The following TMEFF2 variants were observed in gnomAD, a reference collection of about 807,000 sequenced individuals.
TMEFF2 encodes the protein transmembrane protein with EGF like and two follistatin like domains 2.
TMEFF2 carries 28 observed loss-of-function variants against 53.8 expected under a neutral mutation model. The observed-to-expected ratio is 0.52, with a 90% CI of 0.39 to 0.71. The LOEUF (loss-of-function observed/expected upper bound fraction) is 0.71. Among genes scored for constraint, TMEFF2 ranks in the 30% least tolerant of loss-of-function variants. The pLI is 0.00. For synonymous variants in TMEFF2, 162 were observed against 166.3 expected, an observed-to-expected ratio of 0.97 and a Z score of 0.20; for missense variants, 353 against 455.2, an observed-to-expected ratio of 0.78 and a Z score of 2.04.
chr2:191,958,419 A>G lies in TMEFF2; in HGVS notation c.746-2041T>C, dbSNP rs550447730. Among the ~76,000 whole-genome samples the G allele has an allele frequency of 1.8e-4, 27 of 152,338 alleles. 1 individual carries two copies. The South Asian group carries it at 5.4e-3, about 30-fold the overall frequency. On this transcript the variant is annotated intron_variant, in intron 7 of 9. Transcript: ENST00000272771. ...TAGTATTTTCCAAACACATCTTATT[A>G]GGACTATTTTTCTTTCTGTCAGTTA...
At chr2:192,159,609 A>C (rs1270545403) in intron 4 of TMEFF2, among the ~76,000 whole-genome samples, 3 of 152,180 alleles carry the variant, frequency 2.0e-5, no homozygotes, top group African/African-American at 7.2e-5. Context: ...AATACAAAAA[A>C]CTGTCATAGT....
At position 192,019,304 on chromosome 2, in the gene TMEFF2, T is replaced by C. The variant is rs553300684; in HGVS notation, c.537-20096A>G. On this transcript the variant is annotated intron_variant, in intron 5 of 9. Coordinates refer to ENST00000272771, the MANE Select transcript of TMEFF2 (RefSeq NM_016192.4). ...CAATACATCTTCATTAGAATCATTA[T>C]TGAGAAGTATTATAAATATTTTTAG... 1.7e-3 allele frequency among the ~76,000 whole-genome samples: 258 copies of C among 152,122 alleles called. 2 individuals are homozygous for C. The highest frequency in any genetic ancestry group is 3.1e-3 in the Non-Finnish European group (211 of 67,916).
chr2:191,977,102 G>T (rs888115675), intron 7 of TMEFF2, among the ~76,000 whole-genome samples: 1 of 152,240 alleles, frequency 6.6e-6, no homozygotes, highest in Non-Finnish European at 1.5e-5. Flanking sequence ...TTCATTCTCA[G>T]AGGAAGGCTA....
intron 5 of TMEFF2, among the ~76,000 whole-genome samples, chr2:192,040,327 A>G (rs1017654115): frequency 1.2e-4 from 18 of 151,802 alleles, no homozygotes; most frequent in Non-Finnish European, 1.8e-4. Context: ...TCTCCTCAAC[A>G]TTGTCTTTTT....
At chr2:192,056,391 GGAAGAGGAA>G (rs955630069) in intron 5 of TMEFF2, among the ~76,000 whole-genome samples, 3 of 151,840 alleles carry the variant, frequency 2.0e-5, no homozygotes, top group Non-Finnish European at 2.9e-5. Context: ...AAGAGGAAGT[GGAAGAGGAA>G]GAAGAGGAAG....
chr2:192,092,147 T>C (rs568298361), intron 4 of TMEFF2, among the ~76,000 whole-genome samples: 1 of 152,272 alleles, frequency 6.6e-6, no homozygotes, highest in East Asian at 1.9e-4. Context: ...ACAATTCCTA[T>C]TGTATTCAGT....
chr2:192,099,033 A>G (rs1051651191), intron 4 of TMEFF2, among the ~76,000 whole-genome samples: 4 of 152,250 alleles, frequency 2.6e-5, no homozygotes, highest in East Asian at 3.9e-4. Context: ...CTTGGTTCAT[A>G]TTCTCCAAAG....
intron 4 of TMEFF2, among the ~76,000 whole-genome samples, chr2:192,100,668 G>A (rs559405339): frequency 6.6e-6 from 1 of 152,198 alleles, no homozygotes; most frequent in East Asian, 1.9e-4. Context: ...AAAACTCCTT[G>A]GATTTCCTCA....
chr2:192,132,146 C>T lies in TMEFF2; in HGVS notation c.439+47522G>A, dbSNP rs553274999. Among the ~76,000 whole-genome samples, 663 of 152,116 alleles carry T rather than the reference C, an allele frequency of 4.4e-3. 1 individual carries two copies. The highest frequency in any genetic ancestry group is 6.5e-3 in the Non-Finnish European group (439 of 67,988). On this transcript the variant is annotated intron_variant, in intron 4 of 9. Transcript: ENST00000272771. Reference sequence around the variant, plus strand: ...TAGGCCCCAATTCTTCCTCAGCCTCCGCTCCTCCACCCTGTAATCTTTTTA... The same window carrying T: ...TAGGCCCCAATTCTTCCTCAGCCTCTGCTCCTCCACCCTGTAATCTTTTTA...
chr2:191,949,193 T>C lies in TMEFF2; in HGVS notation c.*1118A>G, dbSNP rs1691790849. ...TTTTTCCAGATCAAGTTGTGATACC[T>C]ATTTGTATGCACAAATCAAACAAAA... On this transcript the variant is annotated 3_prime_UTR_variant, in exon 10 of 10. Transcript: ENST00000272771. 1.0e-6 allele frequency: 1 copy of C among 985,282 alleles called. No homozygotes were observed. The highest frequency in any genetic ancestry group is 1.2e-6 in the Non-Finnish European group (1 of 829,880). The allele number at this position is 985,282 out of a possible 1,614,324, so 61.0% of individuals were successfully genotyped here.
chr2:192,121,272 G>GT (rs1689547470), intron 4 of TMEFF2, among the ~76,000 whole-genome samples: 2 of 152,150 alleles, frequency 1.3e-5, no homozygotes, highest in Non-Finnish European at 2.9e-5. Context: ...GCCATAGTTT[G>GT]AAAAGAAACT....
intron 4 of TMEFF2, among the ~76,000 whole-genome samples, chr2:192,130,152 C>G (rs1039938350): frequency 6.6e-6 from 1 of 152,110 alleles, no homozygotes; most frequent in Non-Finnish European, 1.5e-5. Context: ...AGGAATTAAA[C>G]AGTTACTATT....
rs572471275 is a variant in TMEFF2, at chr2:192,118,041, G to T, written c.440-60266C>A. Reference sequence around the variant, plus strand: ...CCAAGAATCTGGATACCCTCCACTGGTAACAGTTCCATTAATTAAAAAAAA... The same window carrying T: ...CCAAGAATCTGGATACCCTCCACTGTTAACAGTTCCATTAATTAAAAAAAA... On this transcript the variant is annotated intron_variant, in intron 4 of 9. Coordinates refer to ENST00000272771, the MANE Select transcript of TMEFF2 (RefSeq NM_016192.4). 3.4e-5 allele frequency among the ~76,000 whole-genome samples: 5 copies of T among 147,640 alleles called. No homozygotes were observed. The East Asian group carries it at 9.8e-4, about 29-fold the overall frequency.
intron 4 of TMEFF2, among the ~76,000 whole-genome samples, chr2:192,139,581 A>G (rs1690090454): frequency 6.6e-6 from 1 of 152,212 alleles, no homozygotes; most frequent in South Asian, 2.1e-4. Flanking sequence ...ACAAATGACC[A>G]ATTTTCAAAA....
chr2:191,952,921 C>T (rs1340740581), intron 9 of TMEFF2, among the ~76,000 whole-genome samples: 1 of 152,162 alleles, frequency 6.6e-6, no homozygotes, highest in African/African-American at 2.4e-5. Flanking sequence ...AGAGTGAAAT[C>T]AAGTCAGTAA....
chr2:192,143,526 T>G (rs769265048), intron 4 of TMEFF2, among the ~76,000 whole-genome samples: 7 of 152,194 alleles, frequency 4.6e-5, no homozygotes, highest in Non-Finnish European at 8.8e-5. Flanking sequence ...TTGTATTTGT[T>G]GTGAACTTCC....
At chr2:192,193,538 C>G (rs1384554910) in intron 1 of TMEFF2, among the ~76,000 whole-genome samples, 3 of 152,160 alleles carry the variant, frequency 2.0e-5, no homozygotes, top group African/African-American at 7.2e-5. Context: ...GGAGTCAGCG[C>G]CCACTGAAGT....
At chr2:192,189,578 G>T (rs769691402) in intron 2 of TMEFF2, among the ~76,000 whole-genome samples, 12 of 32,322 alleles carry the variant, frequency 3.7e-4, no homozygotes, top group Admixed American at 3.0e-3. Context: ...AGGAATGCAC[G>T]CTTGTACCTG....
At chr2:192,133,989 T>G (rs4511673) in intron 4 of TMEFF2, among the ~76,000 whole-genome samples, 62,576 of 151,994 alleles carry the variant, frequency 0.41, 14,098 homozygotes, top group Non-Finnish European at 0.51. Flanking sequence ...CAAGAGCCAG[T>G]ACCCCACCCT....
Sources: allele counts gnomAD v4.1 joint callset (sites outside exome capture counted in the v4.1 genomes callset), GRCh38; gene constraint gnomAD v4.1.1; transcripts MANE v1.5; gene names NCBI Gene and HGNC (gene_info 2026-07-23, HGNC 2026-07-21).